Variants in ACTR3C observed in about 807,000 individuals in gnomAD.
ACTR3C encodes the protein actin-related protein 3C.
A neutral mutation model predicts 26.3 loss-of-function variants in ACTR3C; 18 were observed. The ratio of observed to expected loss-of-function variants is 0.68; its 90% CI spans 0.47 to 1.01. ACTR3C has a LOEUF of 1.01. Among genes scored for constraint, ACTR3C ranks in the 50% least tolerant of loss-of-function variants. The probability of loss-of-function intolerance (pLI) is 0.00; values close to 1 mark genes in which losing one functional copy is unlikely to be tolerated. For synonymous variants in ACTR3C, 55 were observed against 94.5 expected, an observed-to-expected ratio of 0.58 and a Z score of 2.42; for missense variants, 184 against 250.7, an observed-to-expected ratio of 0.73 and a Z score of 1.80.
chr7:150,118,950 A>AC, the ACTR3C span, among the ~76,000 whole-genome samples: 1 of 151,746 alleles, frequency 6.6e-6, no homozygotes, highest in African/African-American at 2.4e-5. Flanking sequence ...TAAAAAAAAA[A>AC]AAAAACTCAA....
the ACTR3C span, among the ~76,000 whole-genome samples, chr7:150,032,556 G>A: frequency 3.3e-5 from 5 of 151,986 alleles, no homozygotes; most frequent in African/African-American, 1.2e-4. Flanking sequence ...TTCCTCTCTC[G>A]TTAGGAAGTG....
the ACTR3C span, among the ~76,000 whole-genome samples, chr7:149,951,358 T>C: frequency 6.8e-6 from 1 of 146,498 alleles, no homozygotes; most frequent in Non-Finnish European, 1.5e-5. Flanking sequence ...AAATGCATTA[T>C]CTTCCAGTTC....
At chr7:150,158,352 G>A in the ACTR3C span, among the ~76,000 whole-genome samples, 2 of 152,034 alleles carry the variant, frequency 1.3e-5, no homozygotes, top group South Asian at 2.1e-4. Flanking sequence ...CTGGGTGTAC[G>A]TTAAAAAATA....
the ACTR3C span, among the ~76,000 whole-genome samples, chr7:149,951,281 C>A: frequency 5.2e-5 from 7 of 135,602 alleles, no homozygotes; most frequent in East Asian, 1.4e-3. Context: ...GGGATGTAAA[C>A]ACTGACACAT....
the ACTR3C span, among the ~76,000 whole-genome samples, chr7:149,907,329 C>T: frequency 7.8e-6 from 1 of 128,740 alleles, no homozygotes; most frequent in Non-Finnish European, 1.6e-5. Context: ...CACACACTTG[C>T]ACAAAATGGT....
At chr7:150,208,353 A>C in the ACTR3C span, among the ~76,000 whole-genome samples, 1 of 152,196 alleles carries the variant, frequency 6.6e-6, no homozygotes, top group Non-Finnish European at 1.5e-5. Flanking sequence ...AATACAGAAC[A>C]GGGCACGCAT....
chr7:150,250,557 G>A (rs1832780777), intron 6 of ACTR3C, among the ~76,000 whole-genome samples: 1 of 151,904 alleles, frequency 6.6e-6, no homozygotes, highest in East Asian at 1.9e-4. Flanking sequence ...TCAGTGTGAG[G>A]GTTAAGGGCA....
At chr7:150,163,633 G>C in the ACTR3C span, among the ~76,000 whole-genome samples, 1 of 151,992 alleles carries the variant, frequency 6.6e-6, no homozygotes, top group Non-Finnish European at 1.5e-5. Flanking sequence ...TCTGCCATCT[G>C]CAGACTGAAG....
intron 6 of ACTR3C, among the ~76,000 whole-genome samples, chr7:150,257,015 T>C (rs534806536): frequency 6.6e-6 from 1 of 152,296 alleles, no homozygotes; most frequent in South Asian, 2.1e-4. Context: ...AATGATATGA[T>C]TGTCCCTGAA....
the ACTR3C span, among the ~76,000 whole-genome samples, chr7:150,180,528 T>TC: frequency 6.5e-3 from 944 of 145,404 alleles, 65 homozygotes; most frequent in African/African-American, 0.024. Context: ...TTTTTTTTTT[T>TC]CTGAGAGGGA....
At chr7:150,283,587 C>T (rs1835519109) in intron 6 of ACTR3C, among the ~76,000 whole-genome samples, 1 of 151,612 alleles carries the variant, frequency 6.6e-6, no homozygotes, top group African/African-American at 2.4e-5. Flanking sequence ...AAAAAATACG[C>T]AAACTATATA....
the ACTR3C span, among the ~76,000 whole-genome samples, chr7:150,003,465 TTG>T: frequency 6.7e-6 from 1 of 150,138 alleles, no homozygotes; most frequent in Non-Finnish European, 1.5e-5. Flanking sequence ...GTAGTATGTG[TTG>T]TGTGTGGTGT....
At chr7:150,175,832 A>AAAAAAAAG in the ACTR3C span, among the ~76,000 whole-genome samples, 2 of 145,936 alleles carry the variant, frequency 1.4e-5, no homozygotes, top group African/African-American at 5.4e-5. Flanking sequence ...AAAAAAAAAA[A>AAAAAAAAG]AAAGAAAGAA....
chr7:150,152,719 A>G, the ACTR3C span, among the ~76,000 whole-genome samples: 1 of 152,290 alleles, frequency 6.6e-6, no homozygotes, highest in South Asian at 2.1e-4. Flanking sequence ...GAATGGTACC[A>G]GTTCCTCCTT....
the ACTR3C span, among the ~76,000 whole-genome samples, chr7:149,897,406 A>G: frequency 3.9e-5 from 6 of 152,382 alleles, no homozygotes; most frequent in Admixed American, 1.3e-4. Context: ...TTTTCAAGGT[A>G]AGTCAGGCTA....
chr7:150,093,588 G>A, the ACTR3C span, among the ~76,000 whole-genome samples: 74 of 151,072 alleles, frequency 4.9e-4, 6 homozygotes, highest in African/African-American at 1.8e-3. Flanking sequence ...GAAGGGTGCT[G>A]TCCAGGTGGG....
chr7:150,287,234 A>T (rs1835853119), intron 4 of ACTR3C, among the ~76,000 whole-genome samples: 1 of 151,718 alleles, frequency 6.6e-6, no homozygotes. Flanking sequence ...CCAAGATTAC[A>T]CTCTAGCTGG....
the ACTR3C span, among the ~76,000 whole-genome samples, chr7:150,122,591 G>A: frequency 6.6e-6 from 1 of 152,234 alleles, no homozygotes; most frequent in Non-Finnish European, 1.5e-5. Flanking sequence ...GGAAACAACA[G>A]ATGCTGGAGA....
the ACTR3C span, among the ~76,000 whole-genome samples, chr7:149,909,225 T>A: frequency 3.5e-5 from 5 of 143,966 alleles, no homozygotes; most frequent in African/African-American, 1.1e-4. Flanking sequence ...AGAATACTAC[T>A]AAACACAATA....
Sources: gnomAD v4.1 joint callset for allele counts (sites outside exome capture counted in the v4.1 genomes callset) on GRCh38, gnomAD v4.1.1 for gene constraint, MANE v1.5 for transcripts, NCBI Gene and HGNC (gene_info 2026-07-23, HGNC 2026-07-21) for gene names.